Variants in RIMS2 observed in about 807,000 individuals in gnomAD.
RIMS2 encodes the protein regulating synaptic membrane exocytosis 2.
Under a neutral mutation model 174.4 loss-of-function variants are expected in RIMS2, and 59 were observed. That is an observed-to-expected ratio of 0.34 (90% CI 0.27 to 0.42). RIMS2 has a LOEUF of 0.42. Among genes scored for constraint, RIMS2 ranks in the 10% least tolerant of loss-of-function variants. RIMS2 has a pLI of 1.00. For synonymous variants in RIMS2, 606 were observed against 572.5 expected (o/e 1.06, Z -0.84); for missense variants, 1,620 against 1,666.3 (o/e 0.97, Z 0.48).
chr8:103,672,807 A>C (rs777073751), intron 1 of RIMS2, among the ~76,000 whole-genome samples: 4 of 152,074 alleles, frequency 2.6e-5, no homozygotes, highest in Non-Finnish European at 5.9e-5. Context: ...AACTAAATAC[A>C]ATCATGCCTT....
intron 2 of RIMS2, among the ~76,000 whole-genome samples, chr8:103,757,137 C>G (rs1454475789): frequency 6.6e-6 from 1 of 151,940 alleles, no homozygotes; most frequent in East Asian, 1.9e-4. Flanking sequence ...TCATTTCCTA[C>G]TTTAAAAGGA....
chr8:104,152,494 T>C (rs956550031), intron 19 of RIMS2, among the ~76,000 whole-genome samples: 2 of 152,142 alleles, frequency 1.3e-5, no homozygotes, highest in East Asian at 3.8e-4. Flanking sequence ...TGTGTGCATA[T>C]GTATATGTGT....
chr8:103,919,545 A>G (rs2077217269), intron 9 of RIMS2, among the ~76,000 whole-genome samples: 1 of 151,810 alleles, frequency 6.6e-6, no homozygotes, highest in South Asian at 2.1e-4. Flanking sequence ...CGAGGGTAAA[A>G]CCAGAGAGAC....
At chr8:103,825,523 G>A (rs1164284530) in intron 3 of RIMS2, among the ~76,000 whole-genome samples, 13 of 150,218 alleles carry the variant, frequency 8.7e-5, no homozygotes, top group Non-Finnish European at 1.6e-4. Context: ...GAGCTCAGGC[G>A]ATCCACCTGC....
At chr8:103,994,114 T>G (rs1031526504) in intron 17 of RIMS2, among the ~76,000 whole-genome samples, 1 of 151,514 alleles carries the variant, frequency 6.6e-6, no homozygotes, top group African/African-American at 2.4e-5. Flanking sequence ...TTTTGGAAGC[T>G]ATAGTTTTAC....
intron 1 of RIMS2, among the ~76,000 whole-genome samples, chr8:103,634,571 C>T (rs1038589335): frequency 2.6e-5 from 4 of 152,142 alleles, no homozygotes; most frequent in Admixed American, 6.5e-5. Context: ...TTCTGAATAT[C>T]TTTGTTAGTT....
At chr8:103,973,635 C>G (rs1178158145) in intron 15 of RIMS2, among the ~76,000 whole-genome samples, 1 of 152,120 alleles carries the variant, frequency 6.6e-6, no homozygotes, top group Non-Finnish European at 1.5e-5. Context: ...AGTAAAGACC[C>G]ACCAAGTACA....
At chr8:104,246,532 T>A (rs144962135) in intron 20 of RIMS2, among the ~76,000 whole-genome samples, 15 of 152,200 alleles carry the variant, frequency 9.9e-5, no homozygotes, top group African/African-American at 3.4e-4. Context: ...TAAGAAAAAT[T>A]GTTAAAATGT....
intron 19 of RIMS2, among the ~76,000 whole-genome samples, chr8:104,189,225 A>C (rs1007614709): frequency 2.6e-5 from 4 of 152,022 alleles, no homozygotes; most frequent in Admixed American, 2.0e-4. Flanking sequence ...AAGTTTCGAA[A>C]CAAGGAATGG....
rs374931071 is a variant in RIMS2 at position 103,625,209 on chromosome 8, C to T, written c.177-71877C>T. Reference sequence around the variant, plus strand: ...TTTTTTTTTTATTATACTTTAAGTTCTAGGGTACATGTGCACAAACAAAAT... The same window carrying T: ...TTTTTTTTTTATTATACTTTAAGTTTTAGGGTACATGTGCACAAACAAAAT... On this transcript the variant is annotated intron_variant, in intron 1 of 23. Coordinates refer to ENST00000504942, the Ensembl canonical transcript of RIMS2. Among the ~76,000 whole-genome samples, 5 of 150,366 alleles carry T rather than the reference C, an allele frequency of 3.3e-5. No homozygotes were observed. In the East Asian group the frequency reaches 5.9e-4, roughly 18 times the overall value.
chr8:103,822,641 A>T (rs2098759253), intron 3 of RIMS2, among the ~76,000 whole-genome samples: 1 of 151,838 alleles, frequency 6.6e-6, no homozygotes, highest in African/African-American at 2.4e-5. Flanking sequence ...TAGTGCATGA[A>T]GCAGGATTCT....
At chr8:103,903,488 G>A (rs960997022) in intron 4 of RIMS2, among the ~76,000 whole-genome samples, 9 of 152,014 alleles carry the variant, frequency 5.9e-5, no homozygotes, top group Non-Finnish European at 1.0e-4. Context: ...ACAAAATGTT[G>A]TAAATAGAAT....
At chr8:103,885,414 A>T in exon 4 of RIMS2, 1 of 1,611,002 alleles carries the variant, frequency 6.2e-7, no homozygotes. Context: ...TCTCCATCAG[A>T]TTATGCTGAT....
At chr8:103,517,441 G>T (rs1829520398) in intron 1 of RIMS2, among the ~76,000 whole-genome samples, 1 of 152,008 alleles carries the variant, frequency 6.6e-6, no homozygotes, top group Admixed American at 6.5e-5. Context: ...GCTAGTTGGT[G>T]AGAGTCAGTT....
In RIMS2 at chr8:103,820,942, T is replaced by C. The variant is rs114971038; in HGVS notation, c.698+54405T>C. On this transcript the variant is annotated intron_variant, in intron 3 of 23. Coordinates refer to ENST00000504942, the Ensembl canonical transcript of RIMS2. ...TGTTATATTTAAATTAAAAAGCAAG[T>C]ATTGCTTTCTAAAAATTTCCATGAC... Among the ~76,000 whole-genome samples, 1,085 of 151,590 alleles carry C rather than the reference T, an allele frequency of 7.2e-3. 22 individuals carry two copies. The highest frequency in any genetic ancestry group is 0.025 in the African/African-American group (1,022 of 41,512).
intron 1 of RIMS2, among the ~76,000 whole-genome samples, chr8:103,653,843 G>A (rs796117580): frequency 3.3e-5 from 5 of 152,166 alleles, no homozygotes; most frequent in South Asian, 2.1e-4. Flanking sequence ...ACTTAAGGTC[G>A]TTGAAGTAGG....
chr8:103,755,631 CT>C (rs2097985010), intron 2 of RIMS2, among the ~76,000 whole-genome samples: 1 of 151,362 alleles, frequency 6.6e-6, no homozygotes, highest in African/African-American at 2.4e-5. Flanking sequence ...TTCATTTTCA[CT>C]TTTTTTCTCT....
intron 13 of RIMS2, among the ~76,000 whole-genome samples, chr8:103,938,892 C>A (rs1054815752): frequency 6.6e-6 from 1 of 152,230 alleles, no homozygotes; most frequent in Admixed American, 6.5e-5. Flanking sequence ...TCTCCTTTGA[C>A]TCCATGTCTC....
intron 19 of RIMS2, among the ~76,000 whole-genome samples, chr8:104,077,121 G>T (rs1157062887): frequency 6.6e-6 from 1 of 151,868 alleles, no homozygotes; most frequent in South Asian, 2.1e-4. Flanking sequence ...CACCCAGCCA[G>T]ATTGTTTTCA....
Sources: gnomAD v4.1 joint callset for allele counts (sites outside exome capture counted in the v4.1 genomes callset) on GRCh38, gnomAD v4.1.1 for gene constraint, MANE v1.5 for transcripts, NCBI Gene and HGNC (gene_info 2026-07-23, HGNC 2026-07-21) for gene names.